The following ARAP2 variants were observed in gnomAD, a reference collection of about 807,000 sequenced individuals.
ARAP2 encodes the protein ArfGAP with RhoGAP domain, ankyrin repeat and PH domain 2.
A neutral mutation model predicts 194.5 loss-of-function variants in ARAP2; 148 were observed. That is an observed-to-expected ratio of 0.76 (90% CI 0.67 to 0.87). ARAP2 has a LOEUF of 0.87. Ranked by LOEUF, ARAP2 falls within the 40% of genes least tolerant of loss-of-function variation. The probability of loss-of-function intolerance (pLI) is 0.00; values close to 1 mark genes in which losing one functional copy is unlikely to be tolerated. For missense variants in ARAP2, 2,128 were observed against 1,989.7 expected, an observed-to-expected ratio of 1.07 and a Z score of -1.32; for synonymous variants, 695 against 683.5, an observed-to-expected ratio of 1.02 and a Z score of -0.26.
chr4:36,081,601 C>T (rs1403956346), intron 30 of ARAP2, among the ~76,000 whole-genome samples: 1 of 152,098 alleles, frequency 6.6e-6, no homozygotes, highest in Non-Finnish European at 1.5e-5. Context: ...AAACATGGTA[C>T]AGCATAGAAA....
Position 36,180,534 on chromosome 4 carries a change from C to A in ARAP2, c.1679-2529G>T, listed in dbSNP as rs1200736335. Reference sequence around the variant, plus strand: ...ACTTAACCTGGTTATTACTTGTGATCGTTAGTTTCACGTAAGATATTCCTG... The same window carrying A: ...ACTTAACCTGGTTATTACTTGTGATAGTTAGTTTCACGTAAGATATTCCTG... On this transcript the variant is annotated intron_variant, in intron 8 of 32. Coordinates refer to ENST00000303965, the MANE Select transcript of ARAP2 (RefSeq NM_015230.4). Among the ~76,000 whole-genome samples, 15 of 152,120 alleles carry A rather than the reference C, an allele frequency of 9.9e-5. 1 individual carries two copies. Among genetic ancestry groups the A allele is most frequent in the Admixed American group, 7.9e-4 (12 of 15,266 alleles).
chr4:36,065,526 G>A, downstream of ARAP2: 1 of 270,818 alleles, frequency 3.7e-6, no homozygotes, highest in Non-Finnish European at 7.7e-6. Context: ...AGGGCAGGCA[G>A]TAGAGTTCAC....
chr4:36,208,839 G>T (rs1192699993), intron 6 of ARAP2, among the ~76,000 whole-genome samples: 1 of 151,818 alleles, frequency 6.6e-6, no homozygotes. Context: ...GGGGTGGGGT[G>T]GGGGGAGCTT....
chr4:36,160,393 A>T, intron 13 of ARAP2, 66 bp downstream of exon 13: 1 of 1,356,106 alleles, frequency 7.4e-7, no homozygotes, highest in Non-Finnish European at 9.6e-7. Context: ...ACTTTTTCTC[A>T]AGAATCTTGG....
intron 9 of ARAP2, among the ~76,000 whole-genome samples, chr4:36,170,088 T>C (rs1485522639): frequency 6.6e-6 from 1 of 152,184 alleles, no homozygotes; most frequent in Non-Finnish European, 1.5e-5. Context: ...AAAAATTACC[T>C]GTGGTGATCT....
At chr4:36,187,375 T>C (rs183072068) in intron 8 of ARAP2, 76 bp downstream of exon 8, 2 of 810,706 alleles carry the variant, frequency 2.5e-6, no homozygotes, top group African/African-American at 1.8e-5. Flanking sequence ...TTTCTTGACA[T>C]TCCTAGTCTA....
chr4:36,144,501 T>C (rs578147346), intron 19 of ARAP2, among the ~76,000 whole-genome samples: 1 of 151,798 alleles, frequency 6.6e-6, no homozygotes, highest in African/African-American at 2.4e-5. Context: ...AAAATAAGAA[T>C]CTAAAGTATC....
chr4:36,092,653 TA>T (rs1164093761), intron 27 of ARAP2, among the ~76,000 whole-genome samples: 1 of 152,098 alleles, frequency 6.6e-6, no homozygotes, highest in Non-Finnish European at 1.5e-5. Flanking sequence ...TTTAAAATAT[TA>T]ATTACATATT....
chr4:36,198,730 G>C (rs1439470727), intron 6 of ARAP2, among the ~76,000 whole-genome samples: 1 of 152,244 alleles, frequency 6.6e-6, no homozygotes, highest in Non-Finnish European at 1.5e-5. Flanking sequence ...GACACTGGGA[G>C]CAGGGAGAAG....
At chr4:36,141,633 T>C (rs965119122) in intron 19 of ARAP2, among the ~76,000 whole-genome samples, 1 of 151,708 alleles carries the variant, frequency 6.6e-6, no homozygotes, top group Non-Finnish European at 1.5e-5. Flanking sequence ...TAAGAAACAT[T>C]AATGTAGTTT....
chr4:36,143,758 C>T (rs546862818), intron 19 of ARAP2, among the ~76,000 whole-genome samples: 1 of 151,840 alleles, frequency 6.6e-6, no homozygotes, highest in African/African-American at 2.4e-5. Flanking sequence ...TTATATTTAT[C>T]CTCACATTTC....
In ARAP2 at chr4:36,212,449, T is replaced by C; in HGVS notation, c.1080A>G (p.Glu360=). ...SIKNEFLTQG[E]ALKGEAATAT... ...CAGTAGCTGCTTCCCCTTTGAGTGC[T>C]TCTCCCTGGGTCAAAAATTCATTCT... The change falls in exon 5 of 33, where the codon GAA becomes GAG. Residue 360 remains glutamate, a synonymous_variant. Coordinates refer to ENST00000303965, the MANE Select transcript of ARAP2 (RefSeq NM_015230.4). The C allele has an allele frequency of 6.2e-7, 1 of 1,612,444 alleles. No individual in the cohort carries two copies. The highest frequency in any genetic ancestry group is 8.5e-7 in the Non-Finnish European group (1 of 1,178,848).
chr4:36,054,683 A>T (rs4833033), intron 2 of ARAP2, among the ~76,000 whole-genome samples: 122,552 of 152,118 alleles, frequency 0.81, 50,364 homozygotes, highest in Middle Eastern at 0.91. Flanking sequence ...AGGCAAAATA[A>T]ACAAATGAAT....
intron 15 of ARAP2, among the ~76,000 whole-genome samples, chr4:36,155,290 ATC>A (rs1232449302): frequency 6.6e-6 from 1 of 152,226 alleles, no homozygotes; most frequent in Non-Finnish European, 1.5e-5. Context: ...AAACAGGATC[ATC>A]TCCATGTGAT....
At chr4:36,183,639 C>T (rs1055380445) in intron 8 of ARAP2, among the ~76,000 whole-genome samples, 2 of 152,222 alleles carry the variant, frequency 1.3e-5, no homozygotes, top group Non-Finnish European at 2.9e-5. Context: ...GATCCACAGA[C>T]GAATTCCAGT....
At chr4:36,032,589 T>C (rs1719170696) in intron 5 of ARAP2, among the ~76,000 whole-genome samples, 1 of 152,240 alleles carries the variant, frequency 6.6e-6, no homozygotes, top group Non-Finnish European at 1.5e-5. Context: ...TATTATTAAC[T>C]GTTCAATTTA....
intron 6 of ARAP2, among the ~76,000 whole-genome samples, chr4:36,205,117 A>G (rs10020996): frequency 6.6e-6 from 1 of 151,222 alleles, no homozygotes; most frequent in Non-Finnish European, 1.5e-5. Context: ...CATTGTTCAA[A>G]AATGAGTAGC....
intron 28 of ARAP2, among the ~76,000 whole-genome samples, chr4:36,091,500 CT>C (rs1003571075): frequency 4.3e-4 from 66 of 152,206 alleles, no homozygotes; most frequent in African/African-American, 1.5e-3. Flanking sequence ...TTTATTTTAA[CT>C]TTTGGGTTTG....
intron 1 of ARAP2, among the ~76,000 whole-genome samples, chr4:36,242,663 T>G (rs1475997892): frequency 6.6e-6 from 1 of 152,204 alleles, no homozygotes; most frequent in Non-Finnish European, 1.5e-5. Context: ...AGCCTTACAC[T>G]GCAAGGAGCT....
Sources: gnomAD v4.1 joint callset for allele counts (sites outside exome capture counted in the v4.1 genomes callset) on GRCh38, gnomAD v4.1.1 for gene constraint, MANE v1.5 for transcripts, NCBI Gene and HGNC (gene_info 2026-07-23, HGNC 2026-07-21) for gene names.